Variants in FGD5 observed in about 807,000 individuals in gnomAD.
FGD5 encodes FYVE, RhoGEF and PH domain-containing protein 5.
FGD5 carries 28 observed loss-of-function variants against 133.4 expected under a neutral mutation model. The observed-to-expected ratio is 0.21, with a 90% CI of 0.16 to 0.29. The LOEUF (loss-of-function observed/expected upper bound fraction) is 0.29. Ranked by LOEUF, FGD5 falls within the 10% of genes least tolerant of loss-of-function variation. FGD5 has a pLI of 1.00. For missense variants in FGD5, 1,858 were observed against 1,895.2 expected, an observed-to-expected ratio of 0.98 and a Z score of 0.36; for synonymous variants, 810 against 776.5, an observed-to-expected ratio of 1.04 and a Z score of -0.72.
At chr3:14,848,274 C>T (rs1220289936) in intron 1 of FGD5, among the ~76,000 whole-genome samples, 2 of 152,094 alleles carry the variant, frequency 1.3e-5, no homozygotes, top group Non-Finnish European at 2.9e-5. Flanking sequence ...TTCCCCGCGC[C>T]TCTTCCCTCC....
intron 2 of FGD5, 73 bp downstream of exon 2, chr3:14,864,333 C>T: frequency 6.2e-7 from 1 of 1,605,258 alleles, no homozygotes; most frequent in Non-Finnish European, 8.5e-7. Context: ...CAGATCTGCT[C>T]CTTCCCTTGG....
intron 10 of FGD5, among the ~76,000 whole-genome samples, chr3:14,909,761 CTTT>C (rs201883392): frequency 8.7e-5 from 12 of 137,470 alleles, no homozygotes; most frequent in East Asian, 4.6e-4. Flanking sequence ...CTTTTCTTTT[CTTT>C]TTTTTTTTTT....
Position 14,917,276 on chromosome 3 carries a change from C to A in FGD5, c.3433C>A (p.Pro1145Thr), listed in dbSNP as rs370769024. 3 of 1,613,710 alleles carry A rather than the reference C, an allele frequency of 1.9e-6. No individual in the cohort carries two copies. The highest frequency in any genetic ancestry group is 4.5e-5 in the East Asian group (2 of 44,880). The change falls in exon 12 of 20, where the codon CCC (proline) becomes ACC (threonine). Residue 1145 changes from proline to threonine, a missense_variant. Transcript: ENST00000285046. This position sits in a 1 kb window ranked among gnomAD's most constrained non-coding sequence, Gnocchi z 4.1. ...GAACGATGTGCTCCTGTACACCTATCCCCAGAAGGATGGGAAGTACCGGCT... is the reference window on the plus strand; with the variant it reads ...GAACGATGTGCTCCTGTACACCTATACCCAGAAGGATGGGAAGTACCGGCT... ...LMNDVLLYTY[P>T]QKDGKYRLKN... is the part of the protein sequence containing the mutation.
At chr3:14,848,086 G>A (rs1052576579) in intron 1 of FGD5, among the ~76,000 whole-genome samples, 7 of 152,198 alleles carry the variant, frequency 4.6e-5, no homozygotes, top group African/African-American at 1.4e-4. Flanking sequence ...GGGAGGAAGT[G>A]TCGGTGTTTA....
At chr3:14,915,454 G>A (rs1472819446) in intron 11 of FGD5, among the ~76,000 whole-genome samples, 8 of 152,228 alleles carry the variant, frequency 5.3e-5, no homozygotes, top group Admixed American at 4.6e-4. Context: ...ATCATGTGTA[G>A]AGGACTTGCC....
chr3:14,869,577 C>A (rs1354893063), intron 2 of FGD5, among the ~76,000 whole-genome samples: 1 of 152,190 alleles, frequency 6.6e-6, no homozygotes, highest in Non-Finnish European at 1.5e-5. Flanking sequence ...AACTCTGCCC[C>A]CTTTAGACAC....
intron 1 of FGD5, among the ~76,000 whole-genome samples, chr3:14,859,759 C>A (rs1845280): frequency 2.6e-5 from 4 of 151,964 alleles, no homozygotes; most frequent in Non-Finnish European, 4.4e-5. Flanking sequence ...AGCACATTTC[C>A]TTTGTTTTGT....
chr3:14,902,943 T>A (rs1353461630), intron 9 of FGD5, among the ~76,000 whole-genome samples: 3 of 152,158 alleles, frequency 2.0e-5, no homozygotes, highest in African/African-American at 7.2e-5. Context: ...TCTCCAAGGC[T>A]GAAGTTGGAC....
chr3:14,903,228 T>G (rs1313278732), intron 9 of FGD5, among the ~76,000 whole-genome samples: 1 of 152,260 alleles, frequency 6.6e-6, no homozygotes, highest in Non-Finnish European at 1.5e-5. Flanking sequence ...ATCATTCTGC[T>G]TTCTGAATAG....
At chr3:14,810,840 C>T, upstream of FGD5, 1 of 984,978 alleles carries the variant, frequency 1.0e-6, no homozygotes, top group Non-Finnish European at 1.2e-6. Flanking sequence ...GGCCCGGGCC[C>T]CGCGCGCTGA....
chr3:14,844,270 A>ATATG (rs2037000268), intron 1 of FGD5, among the ~76,000 whole-genome samples: 1 of 93,286 alleles, frequency 1.1e-5, no homozygotes, highest in African/African-American at 4.1e-5. Context: ...ATATATATAT[A>ATATG]TAATGCAGGT....
chr3:14,897,439 G>T, intron 4 of FGD5, 70 bp from the exon 5 acceptor site: 1 of 1,538,978 alleles, frequency 6.5e-7, no homozygotes, highest in East Asian at 2.4e-5. Flanking sequence ...AAGCCCCAGG[G>T]GAAATCTGCC....
intron 1 of FGD5, among the ~76,000 whole-genome samples, chr3:14,848,487 A>G (rs528872331): frequency 6.6e-6 from 1 of 152,134 alleles, no homozygotes; most frequent in South Asian, 2.1e-4. Flanking sequence ...CAAATGGGAG[A>G]ACCAAGATGC....
intron 2 of FGD5, among the ~76,000 whole-genome samples, chr3:14,866,766 C>G (rs1253758765): frequency 6.6e-6 from 1 of 152,228 alleles, no homozygotes; most frequent in Admixed American, 6.5e-5. Flanking sequence ...TCAGCCGGGA[C>G]TCAGCAGTGA....
Position 14,922,100 on chromosome 3 carries a change from C to T in FGD5, c.3669+83C>T. ...GCGGGCATTGCTGTTGCCACTCACA[C>T]CCAGATGGACGTGTAGCTCCTGTCT... On this transcript the variant is annotated intron_variant, in intron 14 of 19. Coordinates refer to ENST00000285046, the MANE Select transcript of FGD5 (RefSeq NM_152536.4). The surrounding 1 kb of genome is among the most constrained non-coding windows in gnomAD (Gnocchi z 4.1). 7.3e-7 allele frequency: 1 copy of T among 1,361,296 alleles called. No individual in the cohort carries two copies. The highest frequency in any genetic ancestry group is 1.2e-5 in the South Asian group (1 of 80,074). 84.3% of individuals were successfully genotyped at this position (1,361,296 alleles called of 1,614,324 possible). A position where few individuals can be genotyped will look rare whatever the true frequency, so the allele number is the denominator to read the frequency against.
At chr3:14,923,699 C>G (rs2125157849) in intron 16 of FGD5, among the ~76,000 whole-genome samples, 1 of 152,290 alleles carries the variant, frequency 6.6e-6, no homozygotes, top group Admixed American at 6.5e-5. Flanking sequence ...GGGCCTAAAA[C>G]TAAAGTCTTT....
At chr3:14,880,188 A>G (rs954153729) in intron 2 of FGD5, among the ~76,000 whole-genome samples, 3 of 152,128 alleles carry the variant, frequency 2.0e-5, no homozygotes, top group Non-Finnish European at 4.4e-5. Context: ...CCCTGTCTCT[A>G]CAAAAAATTT....
intron 2 of FGD5, among the ~76,000 whole-genome samples, chr3:14,866,031 A>G (rs2037487275): frequency 1.3e-5 from 2 of 152,174 alleles, no homozygotes; most frequent in Admixed American, 6.5e-5. Context: ...ACTGGCCGCG[A>G]GAACGTCGGA....
chr3:14,907,239 A>G (rs1248664816), intron 9 of FGD5, among the ~76,000 whole-genome samples: 1 of 152,266 alleles, frequency 6.6e-6, no homozygotes, highest in Non-Finnish European at 1.5e-5. Context: ...GAGGCTCCAC[A>G]GAGTGTGGAT....
Sources: allele counts gnomAD v4.1 joint callset (sites outside exome capture counted in the v4.1 genomes callset), GRCh38; gene constraint gnomAD v4.1.1; non-coding constraint Gnocchi (gnomAD v3.1); transcripts MANE v1.5; gene names NCBI Gene and HGNC (gene_info 2026-07-23, HGNC 2026-07-21).